MYO10: variants seen among roughly 807,000 people sequenced by gnomAD.
MYO10 encodes the protein unconventional myosin-X.
Under a neutral mutation model 257.3 loss-of-function variants are expected in MYO10, and 133 were observed. The observed-to-expected ratio is 0.52, with a 90% confidence interval of 0.45 to 0.60. MYO10 has a LOEUF of 0.60. MYO10 is among the 20% of genes least tolerant of loss of function. The pLI, the probability that MYO10 is intolerant of heterozygous loss-of-function variation, is 0.00. For synonymous variants in MYO10, 1,104 were observed against 1,028.6 expected (o/e 1.07, Z -1.40); for missense variants, 2,399 against 2,635.7 (o/e 0.91, Z 1.97).
At chr5:16,690,936 G>A (rs116163126) in intron 27 of MYO10, among the ~76,000 whole-genome samples, 425 of 152,200 alleles carry the variant, frequency 2.8e-3, no homozygotes, top group African/African-American at 9.7e-3. Context: ...ATGAAGAAGG[G>A]TTTGGGGCAT....
intron 19 of MYO10, among the ~76,000 whole-genome samples, chr5:16,719,240 C>T (rs1203786407): frequency 2.6e-5 from 4 of 152,234 alleles, no homozygotes; most frequent in South Asian, 2.1e-4. Context: ...ACTCTAGACG[C>T]GCCACCTTAA....
At chr5:16,712,601 T>G (rs1344291584) in intron 19 of MYO10, among the ~76,000 whole-genome samples, 1 of 152,224 alleles carries the variant, frequency 6.6e-6, no homozygotes, top group African/African-American at 2.4e-5. Flanking sequence ...AACACAGAAT[T>G]AGGCATAAAG....
intron 26 of MYO10, among the ~76,000 whole-genome samples, chr5:16,698,544 T>C (rs184334241): frequency 4.0e-4 from 61 of 151,716 alleles, no homozygotes; most frequent in African/African-American, 1.3e-3. Flanking sequence ...GCAGTGGGCC[T>C]CAGTGAGATC....
chr5:16,675,922 A>G lies in MYO10; in HGVS notation c.4666+109T>C, dbSNP rs540344400. On this transcript the variant is annotated intron_variant, in intron 34 of 40. Coordinates refer to ENST00000513610, the MANE Select transcript of MYO10 (RefSeq NM_012334.3). ...ATCTTTTCCTTCCAATTCACGACGAATAAGAGAGTCTTTGAGATAAAAACA... is the reference window on the plus strand; with the variant it reads ...ATCTTTTCCTTCCAATTCACGACGAGTAAGAGAGTCTTTGAGATAAAAACA... 12 of 1,316,852 alleles carry G rather than the reference A, an allele frequency of 9.1e-6. No individual in the cohort carries two copies. The South Asian group carries it at 1.5e-4, about 16-fold the overall frequency. 81.6% of individuals were successfully genotyped at this position (1,316,852 alleles called of 1,614,324 possible).
chr5:16,904,172 C>T (rs1330517707), intron 1 of MYO10, among the ~76,000 whole-genome samples: 1 of 152,110 alleles, frequency 6.6e-6, no homozygotes, highest in Non-Finnish European at 1.5e-5. Context: ...GACAGAGCTT[C>T]CGGACAGCTG....
chr5:16,827,361 G>A (rs1743031384), intron 2 of MYO10, among the ~76,000 whole-genome samples: 1 of 152,108 alleles, frequency 6.6e-6, no homozygotes, highest in African/African-American at 2.4e-5. Flanking sequence ...TCGACTCACT[G>A]CAACCTCCTC....
chr5:16,746,003 G>C (rs1740183603), intron 19 of MYO10, among the ~76,000 whole-genome samples: 1 of 152,176 alleles, frequency 6.6e-6, no homozygotes, highest in South Asian at 2.1e-4. Flanking sequence ...ATAGGGTAAA[G>C]TGAAAGCAAG....
chr5:16,760,593 C>A (rs182435888), intron 17 of MYO10, among the ~76,000 whole-genome samples: 1 of 151,858 alleles, frequency 6.6e-6, no homozygotes, highest in Non-Finnish European at 1.5e-5. Flanking sequence ...AATTCATGAA[C>A]GAATAAATGA....
intron 2 of MYO10, among the ~76,000 whole-genome samples, chr5:16,844,022 G>A (rs911102949): frequency 1.3e-5 from 2 of 152,180 alleles, no homozygotes; most frequent in African/African-American, 4.8e-5. Context: ...GGGGAAAACA[G>A]ACAGCAGATA....
At chr5:16,823,708 G>A (rs1022693488) in intron 2 of MYO10, among the ~76,000 whole-genome samples, 5 of 150,228 alleles carry the variant, frequency 3.3e-5, no homozygotes, top group East Asian at 2.0e-4. Context: ...TCCTGACCTC[G>A]TGATCTGCCC....
rs752537582 is a variant in MYO10 at position 16,668,429 on chromosome 5, C to T, written c.5923G>A (p.Val1975Ile). 6.8e-6 allele frequency: 11 copies of T among 1,612,706 alleles called. No individual in the cohort carries two copies. In the South Asian group the frequency reaches 1.1e-4, roughly 16 times the overall value. Residue 1975 changes from valine (V) to isoleucine (I), a missense_variant, in exon 40 of 41, where the codon GTC (valine) becomes ATC (isoleucine). Val to Ile is a conservative substitution (Grantham distance 29). Coordinates refer to ENST00000513610, the MANE Select transcript of MYO10 (RefSeq NM_012334.3). ...GGFPQELWLGVSADAVSVYKR... is the reference protein window; with the variant it reads ...GGFPQELWLGISADAVSVYKR... The stretch of plus-strand genomic sequence containing the variant: ...TAGACGGAGACGGCGTCCGCGCTGA[C>T]ACCCAACCAGAGTTCCTGAGGGAAG...
At position 16,826,005 on chromosome 5, in the gene MYO10, G is replaced by A. The variant is rs192023263; in HGVS notation, c.121-7838C>T. ...TCTACTAAAAATACAATAATTAGCCGGGCATGGTGGTGGGTGCCTGTAATC... is the reference window on the plus strand; with the variant it reads ...TCTACTAAAAATACAATAATTAGCCAGGCATGGTGGTGGGTGCCTGTAATC... On this transcript the variant is annotated intron_variant, in intron 2 of 40. Transcript: ENST00000513610. 4.1e-3 allele frequency among the ~76,000 whole-genome samples: 621 copies of A among 152,070 alleles called. 5 individuals carry two copies. Among genetic ancestry groups the A allele is most frequent in the African/African-American group, 0.012 (510 of 41,488 alleles).
At chr5:16,747,937 A>AAAAAAAAAG (rs1560963376) in intron 19 of MYO10, among the ~76,000 whole-genome samples, 3 of 123,000 alleles carry the variant, frequency 2.4e-5, no homozygotes, top group African/African-American at 1.4e-4. Context: ...AAAAAAAAAA[A>AAAAAAAAAG]AAAAAAAAAG....
intron 19 of MYO10, among the ~76,000 whole-genome samples, chr5:16,753,487 T>G (rs1465250779): frequency 1.2e-4 from 15 of 125,988 alleles, no homozygotes; most frequent in Admixed American, 1.6e-4. Context: ...TTTTTTTTTT[T>G]GGGAGACAGA....
At chr5:16,892,364 G>A (rs1013710237) in intron 1 of MYO10, among the ~76,000 whole-genome samples, 5 of 152,162 alleles carry the variant, frequency 3.3e-5, no homozygotes, top group African/African-American at 1.2e-4. Flanking sequence ...GGGGTTGCCG[G>A]GCACGGTGGC....
At chr5:16,699,706 G>GAACC in intron 25 of MYO10, 133 bp from the exon 26 acceptor site, 1 of 1,081,784 alleles carries the variant, frequency 9.2e-7, no homozygotes, top group African/African-American at 1.7e-5. Flanking sequence ...AGAATCACTC[G>GAACC]AACCCAGGAG....
At chr5:16,668,143 C>T in intron 40 of MYO10, 134 bp downstream of exon 40, 4 of 935,922 alleles carry the variant, frequency 4.3e-6, no homozygotes, top group East Asian at 2.6e-5. Flanking sequence ...AAAGGGACCA[C>T]CACACTGTAT....
chr5:16,794,693 G>A lies in MYO10; in HGVS notation c.420C>T (p.Cys140=), dbSNP rs1417836674. Residue 140 remains cysteine, a synonymous_variant, in exon 4 of 41, where the codon TGC becomes TGT. Coordinates refer to ENST00000513610, the MANE Select transcript of MYO10 (RefSeq NM_012334.3). ...PPHIFAIANE[C]YRCLWKRHDN... is the part of the protein sequence containing the mutation. Reference sequence around the variant, plus strand: ...CGTGGCGCTTCCACAGGCAGCGGTAGCACTCGTTGGCGATGGCGAAGATGT... The same window carrying A: ...CGTGGCGCTTCCACAGGCAGCGGTAACACTCGTTGGCGATGGCGAAGATGT... 1 of 1,613,410 alleles carries A rather than the reference G, an allele frequency of 6.2e-7. No individual in the cohort carries two copies. The highest frequency in any genetic ancestry group is 1.3e-5 in the African/African-American group (1 of 74,946).
intron 2 of MYO10, among the ~76,000 whole-genome samples, chr5:16,862,711 T>C (rs543228340): frequency 1.1e-4 from 17 of 152,344 alleles, no homozygotes; most frequent in African/African-American, 4.1e-4. Flanking sequence ...AATTAGCGGA[T>C]TATTTTCAGT....
Sources: gnomAD v4.1 joint callset for allele counts (sites outside exome capture counted in the v4.1 genomes callset) on GRCh38, gnomAD v4.1.1 for gene constraint, MANE v1.5 for transcripts, NCBI Gene and HGNC (gene_info 2026-07-23, HGNC 2026-07-21) for gene names.